Variants in NFASC observed in about 807,000 individuals in gnomAD.
NFASC encodes neurofascin, also known as neurofascin homolog.
Under a neutral mutation model 147.5 loss-of-function variants are expected in NFASC, and 43 were observed. The ratio of observed to expected loss-of-function variants is 0.29; its 90% CI spans 0.23 to 0.38. NFASC has a LOEUF of 0.38. Among genes scored for constraint, NFASC ranks in the 10% least tolerant of loss-of-function variants. The pLI is 1.00. For missense variants in NFASC, 1,320 were observed against 1,689.0 expected (o/e 0.78, Z 3.83); for synonymous variants, 622 against 665.5 (o/e 0.93, Z 1.01).
intron 8 of NFASC, among the ~76,000 whole-genome samples, chr1:204,960,374 C>T (rs1043674227): frequency 3.4e-4 from 52 of 152,206 alleles, no homozygotes; most frequent in Non-Finnish European, 4.0e-4. Flanking sequence ...GAGCTGGGCC[C>T]GTCCCACTCT....
intron 1 of NFASC, among the ~76,000 whole-genome samples, chr1:204,843,776 G>A (rs1676178260): frequency 6.6e-6 from 1 of 151,464 alleles, no homozygotes; most frequent in Non-Finnish European, 1.5e-5. Flanking sequence ...GGGTGATCTC[G>A]GCTCACCTCA....
intron 5 of NFASC, among the ~76,000 whole-genome samples, chr1:204,953,399 C>A (rs1351933309): frequency 6.6e-6 from 1 of 152,200 alleles, no homozygotes; most frequent in Admixed American, 6.5e-5. Context: ...CGGGTTCATG[C>A]CATTCTCCTG....
chr1:204,908,596 G>A (rs2086581297), intron 1 of NFASC, among the ~76,000 whole-genome samples: 3 of 151,804 alleles, frequency 2.0e-5, no homozygotes, highest in African/African-American at 7.3e-5. Flanking sequence ...GTAACATTTT[G>A]CAAAACTATA....
intron 16 of NFASC, 59 bp downstream of exon 16, chr1:204,976,854 G>A: frequency 1.2e-5 from 19 of 1,581,934 alleles, no homozygotes; most frequent in Non-Finnish European, 1.6e-5. Flanking sequence ...AGCAGCCAGA[G>A]AAGCAGTGGC....
intron 7 of NFASC, among the ~76,000 whole-genome samples, chr1:204,956,560 T>C (rs1168581785): frequency 6.6e-6 from 1 of 152,238 alleles, no homozygotes; most frequent in Non-Finnish European, 1.5e-5. Flanking sequence ...CTAACTGGTG[T>C]GTTCTGCTCG....
intron 29 of NFASC, among the ~76,000 whole-genome samples, chr1:205,013,992 C>A (rs990800603): frequency 6.6e-6 from 1 of 152,244 alleles, no homozygotes; most frequent in East Asian, 1.9e-4. Context: ...GAGCCCCCTT[C>A]CCATCTTCCC....
At position 204,975,306 on chromosome 1, in the gene NFASC, G is replaced by T. The variant is rs371036080; in HGVS notation, c.1594G>T (p.Val532Leu). ...TRIYRMPEDQ[V>L]ARRGTTVQLE... ...GATCTACCGGATGCCCGAGGACCAG[G>T]TGGCCAGAAGGGGCACCACGGTGCA... is the stretch of plus-strand genomic sequence containing the variant. The change falls in exon 15 of 30, where the codon GTG becomes TTG. Residue 532 changes from valine (V) to leucine (L), a missense_variant. Val to Leu is a conservative substitution (Grantham distance 32, BLOSUM62 1). Around this residue, in one of 3 missense-constraint regions of NFASC, gnomAD observed 981 missense variants for 1,289.5 expected, o/e 0.76. Transcript: ENST00000339876. This position sits in a 1 kb window ranked among gnomAD's most constrained non-coding sequence, Gnocchi z 4.0. The T allele has an allele frequency of 2.5e-5, 41 of 1,613,804 alleles. No homozygotes were observed. The highest frequency in any genetic ancestry group is 2.0e-4 in the East Asian group (9 of 44,880).
chr1:205,012,992 T>C, intron 29 of NFASC, 126 bp downstream of exon 29: 1 of 701,782 alleles, frequency 1.4e-6, no homozygotes, highest in Non-Finnish European at 2.6e-6. Context: ...CATTGGGCTG[T>C]GACTCTGCCT....
intron 1 of NFASC, among the ~76,000 whole-genome samples, chr1:204,913,532 T>G (rs1231532617): frequency 6.6e-6 from 1 of 152,192 alleles, no homozygotes; most frequent in Non-Finnish European, 1.5e-5. Flanking sequence ...GTAGTGTGTA[T>G]GATTGAAGAT....
chr1:204,922,955 A>G (rs1472509750), intron 2 of NFASC, among the ~76,000 whole-genome samples: 6 of 152,150 alleles, frequency 3.9e-5, no homozygotes, highest in African/African-American at 1.4e-4. Context: ...CCATCCTCCC[A>G]CAGTGGCCCC....
intron 1 of NFASC, among the ~76,000 whole-genome samples, chr1:204,870,058 G>C (rs528985916): frequency 3.9e-5 from 6 of 152,290 alleles, no homozygotes; most frequent in Non-Finnish European, 8.8e-5. Flanking sequence ...CTCCAGGAGG[G>C]TAGGAGAGCT....
Position 205,016,606 on chromosome 1 carries a change from C to A in NFASC, c.*67C>A. Reference sequence around the variant, plus strand: ...GAGGGGAGAAGGGGAGACAAAACCACTGCAGACCTACCACGAAGCCACCAC... The same window carrying A: ...GAGGGGAGAAGGGGAGACAAAACCAATGCAGACCTACCACGAAGCCACCAC... On this transcript the variant is annotated 3_prime_UTR_variant, in exon 30 of 30. Coordinates refer to ENST00000339876, the MANE Select transcript of NFASC (RefSeq NM_001005388.3). This position sits in a 1 kb window ranked among gnomAD's most constrained non-coding sequence, Gnocchi z 5.1. 8.8e-7 allele frequency: 1 copy of A among 1,141,334 alleles called. No homozygotes were observed. The highest frequency in any genetic ancestry group is 1.3e-6 in the Non-Finnish European group (1 of 756,516). 70.7% of individuals were successfully genotyped at this position (1,141,334 alleles called of 1,614,324 possible).
intron 1 of NFASC, among the ~76,000 whole-genome samples, chr1:204,859,854 GA>G (rs2102822977): frequency 6.6e-6 from 1 of 152,298 alleles, no homozygotes; most frequent in African/African-American, 2.4e-5. Context: ...CAAAGATTAG[GA>G]AAACATACCC....
intron 3 of NFASC, among the ~76,000 whole-genome samples, chr1:204,947,482 A>G (rs2093825358): frequency 6.6e-6 from 1 of 152,178 alleles, no homozygotes; most frequent in Admixed American, 6.5e-5. Flanking sequence ...CACTGCTTCT[A>G]TTCTGGAGAG....
At chr1:204,837,696 A>G (rs912522808) in intron 1 of NFASC, among the ~76,000 whole-genome samples, 6 of 151,926 alleles carry the variant, frequency 3.9e-5, no homozygotes, top group African/African-American at 1.5e-4. Flanking sequence ...GACCTGAGAT[A>G]TTTTTCTCTT....
At chr1:205,002,827 C>T in intron 27 of NFASC, 79 bp downstream of exon 27, 1 of 1,175,796 alleles carries the variant, frequency 8.5e-7, no homozygotes, top group Non-Finnish European at 1.1e-6. Context: ...GCTTGCCTCT[C>T]TCCTCGGAAA....
Position 205,011,780 on chromosome 1 carries a change from T to C in NFASC, c.3422-1017T>C, listed in dbSNP as rs190386337. On this transcript the variant is annotated intron_variant, in intron 28 of 29. Transcript: ENST00000339876. ...AATGGGGATGATTATCTACCTTGTGTCTCAAAAAGGACACATAGGCCGGGC... is the reference window on the plus strand; with the variant it reads ...AATGGGGATGATTATCTACCTTGTGCCTCAAAAAGGACACATAGGCCGGGC... Among the ~76,000 whole-genome samples, 117 of 152,268 alleles carry C rather than the reference T, an allele frequency of 7.7e-4. 1 individual carries two copies. The East Asian group carries it at 0.015, about 19-fold the overall frequency.
chr1:204,873,600 C>T (rs965471647), intron 1 of NFASC, among the ~76,000 whole-genome samples: 1 of 152,168 alleles, frequency 6.6e-6, no homozygotes, highest in Non-Finnish European at 1.5e-5. Context: ...GGACAGATCC[C>T]GGGGAAGGCT....
At chr1:204,953,083 CAAT>C (rs1194427565) in intron 5 of NFASC, among the ~76,000 whole-genome samples, 1 of 152,340 alleles carries the variant, frequency 6.6e-6, no homozygotes, top group East Asian at 1.9e-4. Context: ...TTTGCAGAGA[CAAT>C]AATCCTGTGG....
Sources: allele counts gnomAD v4.1 joint callset (sites outside exome capture counted in the v4.1 genomes callset), GRCh38; gene constraint gnomAD v4.1.1; regional missense constraint gnomAD v4.1.1; non-coding constraint Gnocchi (gnomAD v3.1); transcripts MANE v1.5; gene names NCBI Gene and HGNC (gene_info 2026-07-23, HGNC 2026-07-21).